Variants in FER observed in about 807,000 individuals in gnomAD.
The protein encoded by FER is FER tyrosine kinase.
A neutral mutation model predicts 111.0 loss-of-function variants in FER; 63 were observed. The observed-to-expected ratio is 0.57, with a 90% CI of 0.46 to 0.70. FER has a LOEUF of 0.70. Among genes scored for constraint, FER ranks in the 30% least tolerant of loss-of-function variants. FER has a pLI of 0.00. For synonymous variants in FER, 327 were observed against 313.9 expected (o/e 1.04, Z -0.44); for missense variants, 914 against 954.0 (o/e 0.96, Z 0.55).
intron 3 of FER, among the ~76,000 whole-genome samples, chr5:108,816,550 T>C (rs1289745228): frequency 6.6e-6 from 1 of 152,236 alleles, no homozygotes; most frequent in African/African-American, 2.4e-5. Flanking sequence ...GTTAGGTTTC[T>C]GTTTTTAAAA....
intron 13 of FER, among the ~76,000 whole-genome samples, chr5:109,018,804 T>C (rs1767540200): frequency 6.6e-6 from 1 of 151,686 alleles, no homozygotes; most frequent in South Asian, 2.1e-4. Context: ...ACTTAAGTAG[T>C]AGAGTTGGAT....
chr5:108,949,818 A>G (rs1001728295), intron 11 of FER, among the ~76,000 whole-genome samples: 1 of 152,008 alleles, frequency 6.6e-6, no homozygotes, highest in Non-Finnish European at 1.5e-5. Flanking sequence ...GGCACATTTT[A>G]TATGTAAAAT....
At chr5:108,933,654 C>T (rs1032685577) in intron 10 of FER, among the ~76,000 whole-genome samples, 8 of 151,546 alleles carry the variant, frequency 5.3e-5, no homozygotes, top group Non-Finnish European at 1.0e-4. Flanking sequence ...TAACTTGATG[C>T]GGATAGCATT....
At chr5:109,167,415 A>G (rs1561982402) in intron 17 of FER, among the ~76,000 whole-genome samples, 1 of 152,184 alleles carries the variant, frequency 6.6e-6, no homozygotes, top group Non-Finnish European at 1.5e-5. Flanking sequence ...TCATCTGCAT[A>G]ATAGAGACTT....
intron 13 of FER, among the ~76,000 whole-genome samples, chr5:109,028,265 A>AT (rs1320856917): frequency 4.6e-5 from 7 of 152,222 alleles, no homozygotes; most frequent in Admixed American, 1.3e-4. Context: ...GCTTTAGATT[A>AT]TAATCTAATG....
Position 109,044,764 on chromosome 5 carries a change from G to A in FER, c.1798G>A (p.Glu600Lys), listed in dbSNP as rs757915772. The change falls in exon 15 of 20, where the codon GAA becomes AAA. Residue 600 changes from glutamate (E) to lysine (K), a missense_variant. Glu to Lys is a moderately conservative substitution (Grantham distance 56). Coordinates refer to ENST00000281092, the MANE Select transcript of FER (RefSeq NM_005246.4). ...AACATGTAAAGAAGATCTTCCTCAG[G>A]AATTGAAAATAAAATTTTTACAAGA... Reference protein sequence around the residue: ...VKTCKEDLPQELKIKFLQEAK... With the variant: ...VKTCKEDLPQKLKIKFLQEAK... 1 of 1,576,590 alleles carries A rather than the reference G, an allele frequency of 6.3e-7. No individual in the cohort carries two copies. The highest frequency in any genetic ancestry group is 1.2e-5 in the South Asian group (1 of 83,576).
At chr5:108,879,701 A>AAAAAATATAT in intron 8 of FER, among the ~76,000 whole-genome samples, 10 of 99,096 alleles carry the variant, frequency 1.0e-4, no homozygotes, top group African/African-American at 3.8e-4. Flanking sequence ...ATTAAAAAAA[A>AAAAAATATAT]ATATATATAT....
chr5:108,831,331 T>C (rs1338916675), intron 3 of FER, among the ~76,000 whole-genome samples: 3 of 152,122 alleles, frequency 2.0e-5, no homozygotes, highest in Non-Finnish European at 4.4e-5. Context: ...TAGTTTGAAG[T>C]GAAAATACTA....
intron 3 of FER, among the ~76,000 whole-genome samples, chr5:108,806,647 T>C (rs1324812901): frequency 1.3e-5 from 2 of 152,168 alleles, no homozygotes; most frequent in South Asian, 2.1e-4. Flanking sequence ...GGAGATCATT[T>C]TGGAGCTTTG....
chr5:109,010,242 C>T (rs1358288279), intron 13 of FER, among the ~76,000 whole-genome samples: 4 of 152,290 alleles, frequency 2.6e-5, no homozygotes, highest in Middle Eastern at 3.4e-3. Flanking sequence ...ACTGCAAGCT[C>T]CGCCTCCTGG....
In FER at chr5:109,180,350, C is replaced by T. The variant is rs148259483; in HGVS notation, c.2049-397C>T. Among the ~76,000 whole-genome samples, 448 of 152,258 alleles carry T rather than the reference C, an allele frequency of 2.9e-3. 1 individual carries two copies. Among genetic ancestry groups the T allele is most frequent in the African/African-American group, 0.011 (437 of 41,536 alleles). On this transcript the variant is annotated intron_variant, in intron 17 of 19. Transcript: ENST00000281092. ...AAAATGAAAAATTCAGTTTCTTGGT[C>T]ACACTAGCCACATTGCAGGTGTCCA...
intron 5 of FER, among the ~76,000 whole-genome samples, chr5:108,840,019 T>G (rs190317922): frequency 2.0e-4 from 31 of 152,232 alleles, no homozygotes; most frequent in Middle Eastern, 6.8e-3. Flanking sequence ...AAAAAAAAAT[T>G]AAAACAAACG....
chr5:108,827,355 C>A lies in FER; in HGVS notation c.208-5415C>A, dbSNP rs1389975075. ...CACAGATAAAGGGCTGGGTTTCTAA[C>A]TGTGAGCAATCAAATGATCCGTACC... On this transcript the variant is annotated intron_variant, in intron 3 of 19. Transcript: ENST00000281092. 2.0e-5 allele frequency among the ~76,000 whole-genome samples: 3 copies of A among 152,156 alleles called. No individual in the cohort carries two copies. The East Asian group carries it at 5.8e-4, about 29-fold the overall frequency.
At chr5:108,761,052 T>C (rs1751686159) in intron 1 of FER, among the ~76,000 whole-genome samples, 1 of 152,058 alleles carries the variant, frequency 6.6e-6, no homozygotes, top group African/African-American at 2.4e-5. Flanking sequence ...TGCCTCAGCC[T>C]CCTGAGTAGC....
chr5:109,143,876 T>C (rs1341101578), intron 17 of FER, among the ~76,000 whole-genome samples: 1 of 150,308 alleles, frequency 6.7e-6, no homozygotes, highest in Non-Finnish European at 1.5e-5. Context: ...TTATATAAAA[T>C]ATATATATAT....
At chr5:108,956,000 A>G (rs1348747647) in intron 12 of FER, among the ~76,000 whole-genome samples, 2 of 151,758 alleles carry the variant, frequency 1.3e-5, no homozygotes, top group Non-Finnish European at 3.0e-5. Context: ...ATACCATTCA[A>G]ATAGGTTAAA....
intron 13 of FER, among the ~76,000 whole-genome samples, chr5:109,018,573 T>C (rs956965746): frequency 6.6e-6 from 1 of 151,800 alleles, no homozygotes; most frequent in Admixed American, 6.6e-5. Flanking sequence ...GTTAAATTAC[T>C]TTATCAGTCT....
At chr5:109,163,036 T>A (rs527722199) in intron 17 of FER, among the ~76,000 whole-genome samples, 1 of 152,104 alleles carries the variant, frequency 6.6e-6, no homozygotes, top group South Asian at 2.1e-4. Flanking sequence ...AGGGAACCAC[T>A]CATCTGTCAC....
At chr5:109,129,580 G>C (rs555722931) in intron 17 of FER, among the ~76,000 whole-genome samples, 1 of 151,770 alleles carries the variant, frequency 6.6e-6, no homozygotes, top group African/African-American at 2.4e-5. Context: ...AAACATATTC[G>C]ATAAACTAAA....
Sources: gnomAD v4.1 joint callset for allele counts (sites outside exome capture counted in the v4.1 genomes callset) on GRCh38, gnomAD v4.1.1 for gene constraint, MANE v1.5 for transcripts, NCBI Gene and HGNC (gene_info 2026-07-23, HGNC 2026-07-21) for gene names.